The following VSIR variants were observed in gnomAD, a reference collection of about 807,000 sequenced individuals.
The protein encoded by VSIR is V-set immunoregulatory receptor.
VSIR carries 10 observed loss-of-function variants against 31.0 expected under a neutral mutation model. The observed-to-expected ratio is 0.32, with a 90% CI of 0.20 to 0.55. The LOEUF (loss-of-function observed/expected upper bound fraction) is 0.55, where lower values mean the gene tolerates loss of function less well. Among genes scored for constraint, VSIR ranks in the 20% least tolerant of loss-of-function variants. The pLI is 0.93. For synonymous variants in VSIR, 179 were observed against 180.1 expected (o/e 0.99, Z 0.05); for missense variants, 356 against 416.2 (o/e 0.86, Z 1.26).
chr10:71,750,398 C>A lies in VSIR; in HGVS notation c.*855G>T, dbSNP rs1457255592. On this transcript the variant is annotated 3_prime_UTR_variant, in exon 7 of 7. Transcript: ENST00000394957. The stretch of plus-strand genomic sequence containing the variant: ...AGGGTGGACAAGACATTGTGTGGCA[C>A]CCTTGCAATGGCCCGCGCTGAGCAG... 2.0e-5 allele frequency: 3 copies of A among 152,302 alleles called. No homozygotes were observed. Among genetic ancestry groups the A allele is most frequent in the East Asian group, 3.9e-4 (2 of 5,192 alleles). 9.4% of individuals were successfully genotyped at this position (152,302 alleles called of 1,614,324 possible). A position where few individuals can be genotyped will look rare whatever the true frequency, so the allele number is the denominator to read the frequency against.
In VSIR at chr10:71,751,824, A is replaced by G; in HGVS notation, c.742T>C (p.Ser248Pro). ...TCGGGTATCCCCTGGGCAGGTGGTG[A>G]GGCTTCAAAGCCGGGGTTTTCAATC... ...QGIENPGFEASPPAQGIPEAK... is the reference protein window; with the variant it reads ...QGIENPGFEAPPPAQGIPEAK... Residue 248 changes from serine (S) to proline (P), a missense_variant, in exon 6 of 7, where the codon TCA becomes CCA. Ser to Pro is a moderately conservative substitution (Grantham distance 74). Coordinates refer to ENST00000394957, the MANE Select transcript of VSIR (RefSeq NM_022153.2). The surrounding 1 kb of genome is among the most constrained non-coding windows in gnomAD (Gnocchi z 4.9). 6.4e-7 allele frequency: 1 copy of G among 1,570,368 alleles called. No individual in the cohort carries two copies. The highest frequency in any genetic ancestry group is 8.6e-7 in the Non-Finnish European group (1 of 1,159,506).
Position 71,751,593 on chromosome 10 carries a change from T to A in VSIR, c.898+75A>T. The A allele has an allele frequency of 6.8e-7, 1 of 1,464,712 alleles. No individual in the cohort carries two copies. Among genetic ancestry groups the A allele is most frequent in the Middle Eastern group, 2.5e-4 (1 of 3,930 alleles). The allele number at this position is 1,464,712 out of a possible 1,614,324, so 90.7% of individuals were successfully genotyped here. On this transcript the variant is annotated intron_variant, in intron 6 of 6. Coordinates refer to ENST00000394957, the MANE Select transcript of VSIR (RefSeq NM_022153.2). The surrounding 1 kb of genome is among the most constrained non-coding windows in gnomAD (Gnocchi z 4.9). ...GGAACTCTTCAGGGAGGGCAGGGAGTGAGGCCGATGCCCTGCAGGCCATGA... is the reference window on the plus strand; with the variant it reads ...GGAACTCTTCAGGGAGGGCAGGGAGAGAGGCCGATGCCCTGCAGGCCATGA...
Position 71,751,620 on chromosome 10 carries a change from G to A in VSIR, c.898+48C>T. ...AGGCCGATGCCCTGCAGGCCATGAGGTCATGACCTTACAGGTCATCGTGCT... is the reference window on the plus strand; with the variant it reads ...AGGCCGATGCCCTGCAGGCCATGAGATCATGACCTTACAGGTCATCGTGCT... On this transcript the variant is annotated intron_variant, in intron 6 of 6. Coordinates refer to ENST00000394957, the MANE Select transcript of VSIR (RefSeq NM_022153.2). The surrounding 1 kb of genome is among the most constrained non-coding windows in gnomAD (Gnocchi z 4.9). 6.7e-7 allele frequency: 1 copy of A among 1,490,486 alleles called. No homozygotes were observed. The highest frequency in any genetic ancestry group is 9.0e-7 in the Non-Finnish European group (1 of 1,112,984). 92.3% of individuals were successfully genotyped at this position (1,490,486 alleles called of 1,614,324 possible). A position where few individuals can be genotyped will look rare whatever the true frequency, so the allele number is the denominator to read the frequency against.
chr10:71,759,854 C>CACACACATATAT lies in VSIR; in HGVS notation c.568+1013_568+1014insATATATGTGTGT, dbSNP rs1554868480. On this transcript the variant is annotated intron_variant, in intron 3 of 6. Coordinates refer to ENST00000394957, the MANE Select transcript of VSIR (RefSeq NM_022153.2). ...ACACACACACACACACACATATACA[C>CACACACATATAT]ACACACACACATATATATACACACA... 3.7e-5 allele frequency among the ~76,000 whole-genome samples: 4 copies of CACACACATATAT among 109,202 alleles called. 1 individual carries two copies. Among genetic ancestry groups the CACACACATATAT allele is most frequent in the Non-Finnish European group, 6.2e-5 (3 of 48,386 alleles). 71.6% of individuals were successfully genotyped at this position (109,202 alleles called of 152,430 possible). A position where few individuals can be genotyped will look rare whatever the true frequency, so the allele number is the denominator to read the frequency against.
At chr10:71,764,686 C>A (rs1461095624) in intron 1 of VSIR, among the ~76,000 whole-genome samples, 2 of 152,182 alleles carry the variant, frequency 1.3e-5, no homozygotes, top group African/African-American at 4.8e-5. Flanking sequence ...CTAATAATTC[C>A]ACCTGGCCTG....
Position 71,750,445 on chromosome 10 carries a change from G to C in VSIR, c.*808C>G, listed in dbSNP as rs1207292038. 1.3e-5 allele frequency: 2 copies of C among 152,312 alleles called. No individual in the cohort carries two copies. Among genetic ancestry groups the C allele is most frequent in the African/African-American group, 4.8e-5 (2 of 41,458 alleles). 9.4% of individuals were successfully genotyped at this position (152,312 alleles called of 1,614,324 possible). ...GCAGTGGGAGTAGGGGATGGGGAGG[G>C]CGGGGGGCAGGTGCCCCTCTCCACT... On this transcript the variant is annotated 3_prime_UTR_variant, in exon 7 of 7. Coordinates refer to ENST00000394957, the MANE Select transcript of VSIR (RefSeq NM_022153.2).
At position 71,749,738 on chromosome 10, in the gene VSIR, G is replaced by A. The variant is rs1839946358; in HGVS notation, c.*1515C>T. 6.6e-6 allele frequency: 1 copy of A among 152,366 alleles called. No individual in the cohort carries two copies. Among genetic ancestry groups the A allele is most frequent in the African/African-American group, 2.4e-5 (1 of 41,430 alleles). 9.4% of individuals were successfully genotyped at this position (152,366 alleles called of 1,614,324 possible). On this transcript the variant is annotated 3_prime_UTR_variant, in exon 7 of 7. Coordinates refer to ENST00000394957, the MANE Select transcript of VSIR (RefSeq NM_022153.2). Reference sequence around the variant, plus strand: ...AAGCAGGGCCATGTGTCCAGGTGGGGTTCCCTGGCTGTAGCCACAGGCCCA... The same window carrying A: ...AAGCAGGGCCATGTGTCCAGGTGGGATTCCCTGGCTGTAGCCACAGGCCCA...
intron 1 of VSIR, among the ~76,000 whole-genome samples, chr10:71,764,887 A>C (rs1011475209): frequency 6.6e-6 from 1 of 152,330 alleles, no homozygotes; most frequent in East Asian, 1.9e-4. Context: ...TGCAGGGACT[A>C]GCCAACTCTC....
intron 1 of VSIR, among the ~76,000 whole-genome samples, chr10:71,764,470 T>C (rs1427834293): frequency 3.3e-5 from 5 of 152,200 alleles, no homozygotes; most frequent in African/African-American, 9.7e-5. Flanking sequence ...TTTCATTGGA[T>C]CCTCAAAATC....
chr10:71,753,588 A>C (rs1443092689), intron 4 of VSIR, among the ~76,000 whole-genome samples: 2 of 151,976 alleles, frequency 1.3e-5, no homozygotes, highest in African/African-American at 2.4e-5. Flanking sequence ...CAGCCACTTC[A>C]CTCACTTTCT....
intron 3 of VSIR, among the ~76,000 whole-genome samples, chr10:71,759,101 G>A (rs1048094882): frequency 2.0e-5 from 3 of 151,866 alleles, no homozygotes; most frequent in Non-Finnish European, 2.9e-5. Context: ...GCAGTGGCGC[G>A]ATCTCGGCTC....
At chr10:71,758,534 C>A (rs1021953134) in intron 3 of VSIR, among the ~76,000 whole-genome samples, 2 of 152,206 alleles carry the variant, frequency 1.3e-5, no homozygotes, top group African/African-American at 4.8e-5. Flanking sequence ...CTCTGGCAAG[C>A]ACCGGGGGGC....
intron 3 of VSIR, among the ~76,000 whole-genome samples, chr10:71,759,045 TG>T (rs1387253457): frequency 4.0e-5 from 6 of 151,628 alleles, no homozygotes; most frequent in African/African-American, 1.5e-4. Flanking sequence ...AATTTTGGGT[TG>T]TTTTTTTTTT....
intron 1 of VSIR, among the ~76,000 whole-genome samples, chr10:71,766,711 T>C (rs2166632): frequency 0.9 from 136,977 of 152,080 alleles, 61,940 homozygotes; most frequent in African/African-American, 0.96. Flanking sequence ...GTATCATCCC[T>C]ATTTTAAAGA....
At position 71,750,224 on chromosome 10, in the gene VSIR, G is replaced by A. The variant is rs186372740; in HGVS notation, c.*1029C>T. On this transcript the variant is annotated 3_prime_UTR_variant, in exon 7 of 7. Transcript: ENST00000394957. ...TGGCTCTGAAGCGAAGACTCCACCA[G>A]GCCCAGATTGTATGGAGTGGAAGGT... The A allele has an allele frequency of 1.3e-5, 2 of 152,366 alleles. No individual in the cohort carries two copies. Among genetic ancestry groups the A allele is most frequent in the Admixed American group, 1.3e-4 (2 of 15,308 alleles). The allele number at this position is 152,366 out of a possible 1,614,324, so 9.4% of individuals were successfully genotyped here.
At chr10:71,767,512 G>A (rs1024795187) in intron 1 of VSIR, among the ~76,000 whole-genome samples, 1 of 152,240 alleles carries the variant, frequency 6.6e-6, no homozygotes, top group Admixed American at 6.5e-5. Context: ...CAAAGAGAAT[G>A]GGACCTGGTT....
chr10:71,760,004 TATATATACACACAC>T (rs1564779594), intron 3 of VSIR, among the ~76,000 whole-genome samples: 1,403 of 52,402 alleles, frequency 0.027, 299 homozygotes, highest in Non-Finnish European at 0.039. Flanking sequence ...CACACATACA[TATATATACACACAC>T]ACATATATAC....
At chr10:71,761,314 CA>C (rs1204479820) in intron 2 of VSIR, among the ~76,000 whole-genome samples, 1 of 152,230 alleles carries the variant, frequency 6.6e-6, no homozygotes, top group African/African-American at 2.4e-5. Context: ...ATGATGTCAT[CA>C]TGAGCAGTCA....
chr10:71,755,321 G>A (rs778224665), intron 4 of VSIR, 38 bp downstream of exon 4: 23 of 1,562,744 alleles, frequency 1.5e-5, no homozygotes, highest in Admixed American at 1.8e-5. Context: ...CAGGTCACTC[G>A]CACCGTCCAC....
Sources: gnomAD v4.1 joint callset for allele counts (sites outside exome capture counted in the v4.1 genomes callset) on GRCh38, gnomAD v4.1.1 for gene constraint, Gnocchi (gnomAD v3.1) non-coding constraint, MANE v1.5 for transcripts, NCBI Gene and HGNC (gene_info 2026-07-23, HGNC 2026-07-21) for gene names.